RMST: variants seen among roughly 807,000 people sequenced by gnomAD.
RMST encodes the protein long intergenic non-protein coding RNA 54.
intron 10 of RMST, among the ~76,000 whole-genome samples, chr12:97,511,989 G>T (rs1410821382): frequency 6.6e-6 from 1 of 152,186 alleles, no homozygotes; most frequent in African/African-American, 2.4e-5. Context: ...GAATGAAGCC[G>T]CGGACCCTCG....
intron 11 of RMST, chr12:97,533,516 T>A (rs1365845516): frequency 6.6e-6 from 1 of 151,882 alleles, no homozygotes; most frequent in East Asian, 1.9e-4. Context: ...TAGGAGAAGC[T>A]AACGAATTAT....
At chr12:97,544,747 C>G (rs915608802) in intron 11 of RMST, among the ~76,000 whole-genome samples, 1 of 152,056 alleles carries the variant, frequency 6.6e-6, no homozygotes, top group African/African-American at 2.4e-5. Flanking sequence ...TTTCTTGTAT[C>G]TCTTTTTCTC....
chr12:97,498,738 C>T (rs1294160394), intron 10 of RMST, among the ~76,000 whole-genome samples: 2 of 152,154 alleles, frequency 1.3e-5, no homozygotes, highest in Non-Finnish European at 2.9e-5. Context: ...CTTGAGAAGT[C>T]CTTATGGGCT....
chr12:97,557,637 TC>T (rs1198723633), intron 11 of RMST, among the ~76,000 whole-genome samples: 7 of 152,156 alleles, frequency 4.6e-5, no homozygotes, highest in Non-Finnish European at 8.8e-5. Flanking sequence ...TGTTTAGACT[TC>T]CCATTGCAAG....
intron 5 of RMST, among the ~76,000 whole-genome samples, chr12:97,485,201 A>G (rs188747068): frequency 8.6e-4 from 131 of 152,356 alleles, no homozygotes; most frequent in African/African-American, 3.0e-3. Context: ...TCTCAGTTAT[A>G]CCATAGAGTC....
intron 5 of RMST, among the ~76,000 whole-genome samples, chr12:97,472,022 AT>A (rs1234730773): frequency 6.6e-6 from 1 of 152,076 alleles, no homozygotes; most frequent in East Asian, 1.9e-4. Context: ...TGGTCAAAAG[AT>A]TTTTTTAAAA....
At chr12:97,476,663 C>A (rs1029459489) in intron 5 of RMST, among the ~76,000 whole-genome samples, 1 of 152,112 alleles carries the variant, frequency 6.6e-6, no homozygotes, top group African/African-American at 2.4e-5. Flanking sequence ...GAAGAATAGG[C>A]AAATTTGCAT....
intron 11 of RMST, among the ~76,000 whole-genome samples, chr12:97,534,877 T>TA (rs1719361546): frequency 1.3e-5 from 2 of 151,654 alleles, no homozygotes; most frequent in South Asian, 4.1e-4. Context: ...AAGTGACCAA[T>TA]GGTGTTGTTT....
At chr12:97,521,371 A>G (rs1472596564) in intron 10 of RMST, among the ~76,000 whole-genome samples, 1 of 152,152 alleles carries the variant, frequency 6.6e-6, no homozygotes, top group Non-Finnish European at 1.5e-5. Flanking sequence ...TCTCTCTCCA[A>G]GAGGAGGAAT....
intron 13 of RMST, among the ~76,000 whole-genome samples, chr12:97,562,952 G>T (rs1349033970): frequency 6.6e-6 from 1 of 152,174 alleles, no homozygotes; most frequent in Non-Finnish European, 1.5e-5. Context: ...TAATAGTCTG[G>T]AATGCTGTTT....
At chr12:97,509,040 T>C (rs1409918466) in intron 10 of RMST, among the ~76,000 whole-genome samples, 4 of 152,202 alleles carry the variant, frequency 2.6e-5, no homozygotes, top group Non-Finnish European at 5.9e-5. Flanking sequence ...GCTAATTTTC[T>C]TGAGGTTTTA....
chr12:97,491,626 C>A (rs1049472525), intron 5 of RMST: 3 of 212,314 alleles, frequency 1.4e-5, no homozygotes, highest in Non-Finnish European at 3.1e-5. Context: ...AAAATTGTGC[C>A]ACCATTGTCT....
At chr12:97,508,507 A>G (rs1878943982) in intron 10 of RMST, among the ~76,000 whole-genome samples, 1 of 152,176 alleles carries the variant, frequency 6.6e-6, no homozygotes, top group Admixed American at 6.5e-5. Flanking sequence ...GGACAAAAGG[A>G]GAATTGTAGA....
chr12:97,536,222 GA>G (rs1882064540), intron 11 of RMST, among the ~76,000 whole-genome samples: 2 of 150,944 alleles, frequency 1.3e-5, no homozygotes, highest in East Asian at 2.0e-4. Flanking sequence ...GGAATATGTG[GA>G]AAAAATATTT....
At chr12:97,559,893 A>G (rs1883998923) in intron 11 of RMST, among the ~76,000 whole-genome samples, 1 of 152,220 alleles carries the variant, frequency 6.6e-6, no homozygotes, top group African/African-American at 2.4e-5. Flanking sequence ...TTTCTAGGTG[A>G]ACAAATATAA....
intron 5 of RMST, among the ~76,000 whole-genome samples, chr12:97,485,197 T>C (rs927339629): frequency 2.6e-5 from 4 of 152,196 alleles, no homozygotes; most frequent in Non-Finnish European, 4.4e-5. Context: ...TTATTCTCAG[T>C]TATACCATAG....
intron 5 of RMST, among the ~76,000 whole-genome samples, chr12:97,480,391 C>T (rs1250092021): frequency 6.6e-6 from 1 of 152,168 alleles, no homozygotes; most frequent in Non-Finnish European, 1.5e-5. Flanking sequence ...TCACACTAAA[C>T]GTTTCGTGAA....
chr12:97,548,170 T>C (rs1049709352), intron 11 of RMST, among the ~76,000 whole-genome samples: 8 of 152,146 alleles, frequency 5.3e-5, no homozygotes, highest in African/African-American at 1.9e-4. Flanking sequence ...CATTATGTAG[T>C]CCTGACACCT....
At chr12:97,492,578 G>A (rs1445713472) in exon 6 of RMST, 1 of 152,504 alleles carries the variant, frequency 6.6e-6, no homozygotes, top group Non-Finnish European at 1.5e-5. Context: ...TGCTTAGGGT[G>A]AAACAAATAC....
Sources: gnomAD v4.1 joint callset for allele counts (sites outside exome capture counted in the v4.1 genomes callset) on GRCh38, gnomAD v4.1.1 for gene constraint, MANE v1.5 for transcripts, NCBI Gene and HGNC (gene_info 2026-07-23, HGNC 2026-07-21) for gene names.